Variants in ERC1 observed in about 807,000 individuals in gnomAD.
The protein encoded by ERC1 is ELKS/RAB6-interacting/CAST family member 1, also known as RAB6 interacting protein 2.
ERC1 carries 56 observed loss-of-function variants against 132.0 expected under a neutral mutation model. The observed-to-expected ratio is 0.42, with a 90% CI of 0.34 to 0.53. The LOEUF (loss-of-function observed/expected upper bound fraction) is 0.53, where lower values mean the gene tolerates loss of function less well. ERC1 is among the 20% of genes least tolerant of loss of function. The pLI is 0.03. For synonymous variants in ERC1, 478 were observed against 476.1 expected, an observed-to-expected ratio of 1.00 and a Z score of -0.05; for missense variants, 1,202 against 1,349.9, an observed-to-expected ratio of 0.89 and a Z score of 1.72.
rs537277396 is a variant in ERC1 at position 1,210,303 on chromosome 12, G to C, written c.2351+20251G>C. Among the ~76,000 whole-genome samples the C allele has an allele frequency of 1.2e-4, 19 of 152,354 alleles. No individual in the cohort carries two copies. In the East Asian group the frequency reaches 2.1e-3, roughly 17 times the overall value. ...AGGAAATCAGTGGCCTTCACTGGCA[G>C]CTGGCAGACCTGTAAGTGATGTGGT... On this transcript the variant is annotated intron_variant, in intron 12 of 18. Transcript: ENST00000360905.
intron 15 of ERC1, among the ~76,000 whole-genome samples, chr12:1,327,673 C>G (rs1205815312): frequency 2.0e-5 from 3 of 152,156 alleles, no homozygotes; most frequent in Non-Finnish European, 2.9e-5. Flanking sequence ...TCAGTGGCAT[C>G]AGCCGCTATT....
chr12:1,335,077 G>A (rs965144830), intron 15 of ERC1, among the ~76,000 whole-genome samples: 6 of 152,200 alleles, frequency 3.9e-5, no homozygotes, highest in Middle Eastern at 6.8e-3. Context: ...TATTGATTTC[G>A]TATCCTGAAA....
chr12:1,240,664 C>A (rs1317679773), intron 13 of ERC1, among the ~76,000 whole-genome samples: 1 of 151,922 alleles, frequency 6.6e-6, no homozygotes, highest in Non-Finnish European at 1.5e-5. Context: ...GAGTTGGTTT[C>A]TTCTGTTTTT....
At chr12:1,226,471 C>T (rs1420365992) in intron 12 of ERC1, among the ~76,000 whole-genome samples, 2 of 152,056 alleles carry the variant, frequency 1.3e-5, no homozygotes, top group Admixed American at 6.5e-5. Context: ...TCAAGTGCGC[C>T]GAACAGTATT....
chr12:1,358,607 T>G (rs569086485), intron 15 of ERC1, among the ~76,000 whole-genome samples: 2 of 152,172 alleles, frequency 1.3e-5, no homozygotes, highest in Non-Finnish European at 2.9e-5. Context: ...GACTTCCATT[T>G]TGAATAATTT....
chr12:1,352,660 G>T (rs1387860266), intron 15 of ERC1, among the ~76,000 whole-genome samples: 1 of 150,752 alleles, frequency 6.6e-6, no homozygotes, highest in Non-Finnish European at 1.5e-5. Flanking sequence ...TTCGGTCTGA[G>T]CTCTTAATGC....
chr12:1,453,245 C>T (rs997539454), intron 18 of ERC1, among the ~76,000 whole-genome samples: 2 of 152,162 alleles, frequency 1.3e-5, no homozygotes, highest in African/African-American at 2.4e-5. Flanking sequence ...TACCCCTTCC[C>T]CAGTAGCAGC....
intron 13 of ERC1, among the ~76,000 whole-genome samples, chr12:1,243,188 C>T (rs185314019): frequency 0.032 from 4,378 of 137,164 alleles, 84 homozygotes; most frequent in South Asian, 0.061. Flanking sequence ...AGCGAGACTC[C>T]GTCTCAAAAA....
chr12:1,463,713 G>GTA (rs1555113144), intron 18 of ERC1, among the ~76,000 whole-genome samples: 4 of 151,748 alleles, frequency 2.6e-5, no homozygotes, highest in Non-Finnish European at 5.9e-5. Context: ...GTGTGTGTGT[G>GTA]TGTGTGTGTG....
intron 16 of ERC1, among the ~76,000 whole-genome samples, chr12:1,402,823 G>A (rs971621526): frequency 3.9e-5 from 6 of 152,080 alleles, no homozygotes; most frequent in Non-Finnish European, 8.8e-5. Flanking sequence ...TTTTAACAGT[G>A]ACTTAATCTG....
intron 16 of ERC1, among the ~76,000 whole-genome samples, chr12:1,384,537 ATTT>A (rs971448802): frequency 6.6e-6 from 1 of 152,006 alleles, no homozygotes. Context: ...AGCCACCAGC[ATTT>A]TTTTTAATTT....
At chr12:1,363,971 A>G (rs1321145057) in intron 15 of ERC1, among the ~76,000 whole-genome samples, 2 of 152,212 alleles carry the variant, frequency 1.3e-5, no homozygotes, top group East Asian at 1.9e-4. Context: ...AGGACTTGCC[A>G]TTGTGCTGCA....
intron 4 of ERC1, among the ~76,000 whole-genome samples, chr12:1,105,979 C>T (rs1945215780): frequency 6.6e-6 from 1 of 152,262 alleles, no homozygotes; most frequent in East Asian, 1.9e-4. Context: ...TTCCATAGAC[C>T]ATCCTTTGAA....
At chr12:1,290,809 GT>G (rs2079395325) in intron 15 of ERC1, among the ~76,000 whole-genome samples, 3 of 151,980 alleles carry the variant, frequency 2.0e-5, no homozygotes, top group African/African-American at 7.3e-5. Flanking sequence ...TATTTTTGTT[GT>G]CTTCTTTTCT....
At chr12:1,198,268 G>T (rs1021537746) in intron 12 of ERC1, among the ~76,000 whole-genome samples, 1 of 152,072 alleles carries the variant, frequency 6.6e-6, no homozygotes, top group Non-Finnish European at 1.5e-5. Context: ...TTCCATGTTC[G>T]AAGCCAATAT....
chr12:1,030,962 T>G (rs996410625), intron 2 of ERC1, among the ~76,000 whole-genome samples: 2 of 152,194 alleles, frequency 1.3e-5, no homozygotes, highest in Admixed American at 6.6e-5. Flanking sequence ...TGCACAGTGA[T>G]GAAATCGCCT....
chr12:1,111,379 T>A (rs995669655), intron 5 of ERC1, among the ~76,000 whole-genome samples: 3 of 152,182 alleles, frequency 2.0e-5, no homozygotes, highest in Non-Finnish European at 4.4e-5. Context: ...GTTTTCCCCC[T>A]TTATTTCCCA....
At chr12:1,078,875 T>C (rs1447982128) in intron 2 of ERC1, among the ~76,000 whole-genome samples, 1 of 126,650 alleles carries the variant, frequency 7.9e-6, no homozygotes, top group Non-Finnish European at 1.8e-5. Context: ...CAAAAGTCGA[T>C]ATACAAAGAT....
intron 14 of ERC1, among the ~76,000 whole-genome samples, chr12:1,278,301 G>A (rs1594741598): frequency 1.3e-5 from 2 of 152,264 alleles, no homozygotes; most frequent in African/African-American, 2.4e-5. Flanking sequence ...TGTATGAAAT[G>A]ACTTAAGTTA....
Sources: allele counts gnomAD v4.1 joint callset (sites outside exome capture counted in the v4.1 genomes callset), GRCh38; gene constraint gnomAD v4.1.1; transcripts MANE v1.5; gene names NCBI Gene and HGNC (gene_info 2026-07-23, HGNC 2026-07-21).